Variants in PTPRN2 observed in about 807,000 individuals in gnomAD.
The protein encoded by PTPRN2 is protein tyrosine phosphatase receptor type N2.
PTPRN2 carries 74 observed loss-of-function variants against 118.8 expected under a neutral mutation model. That is an observed-to-expected ratio of 0.62 (90% CI 0.52 to 0.76). The LOEUF is 0.76. Ranked by LOEUF, PTPRN2 falls within the 30% of genes least tolerant of loss-of-function variation. The pLI, the probability that PTPRN2 is intolerant of heterozygous loss-of-function variation, is 0.00. For synonymous variants in PTPRN2, 641 were observed against 608.0 expected, an observed-to-expected ratio of 1.05 and a Z score of -0.80; for missense variants, 1,481 against 1,394.4, an observed-to-expected ratio of 1.06 and a Z score of -0.99.
intron 11 of PTPRN2, among the ~76,000 whole-genome samples, chr7:157,911,957 A>C (rs1347389781): frequency 6.6e-6 from 1 of 152,128 alleles, no homozygotes; most frequent in Non-Finnish European, 1.5e-5. Context: ...ATACACATGG[A>C]GCATCACGCT....
chr7:157,715,296 G>A (rs1400672037), intron 12 of PTPRN2, among the ~76,000 whole-genome samples: 2 of 152,296 alleles, frequency 1.3e-5, no homozygotes, highest in African/African-American at 4.8e-5. Context: ...GAGACAGGCC[G>A]GCGGCCGCGG....
chr7:158,351,648 G>A (rs966550493), intron 2 of PTPRN2, among the ~76,000 whole-genome samples: 2 of 152,142 alleles, frequency 1.3e-5, no homozygotes, highest in Non-Finnish European at 2.9e-5. Context: ...GCAAGAGAGT[G>A]CAACTCAACA....
At chr7:157,900,423 C>T (rs766333937) in intron 11 of PTPRN2, among the ~76,000 whole-genome samples, 8 of 152,234 alleles carry the variant, frequency 5.3e-5, no homozygotes, top group African/African-American at 1.2e-4. Context: ...CAGGGTGTCA[C>T]GAGCAGTGAG....
At chr7:157,623,374 G>A (rs117145492) in intron 14 of PTPRN2, among the ~76,000 whole-genome samples, 2,094 of 152,260 alleles carry the variant, frequency 0.014, 18 homozygotes, top group Non-Finnish European at 0.023. Context: ...GGTCGAAAAT[G>A]GTTCCTGGCA....
At chr7:157,912,611 C>G (rs1008246015) in intron 11 of PTPRN2, among the ~76,000 whole-genome samples, 3 of 152,166 alleles carry the variant, frequency 2.0e-5, no homozygotes, top group Non-Finnish European at 2.9e-5. Flanking sequence ...AGATACAACT[C>G]TGTTTTTTTC....
chr7:158,183,206 T>C (rs151102207), intron 5 of PTPRN2, among the ~76,000 whole-genome samples: 2 of 152,244 alleles, frequency 1.3e-5, no homozygotes, highest in Admixed American at 6.5e-5. Flanking sequence ...TATGTTGAGA[T>C]AGCAGATATT....
chr7:158,255,557 T>C (rs912815960), intron 3 of PTPRN2, among the ~76,000 whole-genome samples: 1 of 150,396 alleles, frequency 6.6e-6, no homozygotes, highest in African/African-American at 2.5e-5. Flanking sequence ...AGTATGTGTG[T>C]ACAGAGAATT....
intron 3 of PTPRN2, among the ~76,000 whole-genome samples, chr7:158,288,440 T>C (rs1369291872): frequency 6.6e-6 from 1 of 152,194 alleles, no homozygotes; most frequent in Non-Finnish European, 1.5e-5. Context: ...TTACTTTCTA[T>C]CTTTGGCATA....
intron 4 of PTPRN2, among the ~76,000 whole-genome samples, chr7:158,197,751 G>A (rs1826324121): frequency 6.6e-6 from 1 of 152,230 alleles, no homozygotes; most frequent in Admixed American, 6.5e-5. Context: ...GGAGCAAAGG[G>A]GAAAGAGTCC....
chr7:157,863,355 G>A (rs1283896620), intron 12 of PTPRN2: 1 of 152,238 alleles, frequency 6.6e-6, no homozygotes, highest in Non-Finnish European at 1.5e-5. Flanking sequence ...CCAGTGCAGA[G>A]TGGAGACGAG....
intron 12 of PTPRN2, among the ~76,000 whole-genome samples, chr7:157,773,275 C>T (rs772890157): frequency 2.6e-5 from 4 of 152,196 alleles, no homozygotes; most frequent in South Asian, 4.1e-4. Flanking sequence ...TTTAGCTCTA[C>T]GCGGACATTA....
rs549523007 is a variant in PTPRN2 at position 157,988,483 on chromosome 7, G to A, written c.1724-89746C>T. 2.6e-5 allele frequency among the ~76,000 whole-genome samples: 4 copies of A among 152,296 alleles called. No homozygotes were observed. The East Asian group carries it at 7.7e-4, about 29-fold the overall frequency. On this transcript the variant is annotated intron_variant, in intron 11 of 22. Transcript: ENST00000389418. ...CACAGGAGGGTTCCCTGTCTTTCAC[G>A]TGCTGATAGACCAAACACACCAAAC...
chr7:158,233,983 A>C (rs1313584180), intron 3 of PTPRN2, among the ~76,000 whole-genome samples: 1 of 152,230 alleles, frequency 6.6e-6, no homozygotes, highest in East Asian at 1.9e-4. Flanking sequence ...AAATGGATTA[A>C]AGGCTTAAAT....
chr7:157,759,185 T>C (rs991637753), intron 12 of PTPRN2, among the ~76,000 whole-genome samples: 5 of 152,266 alleles, frequency 3.3e-5, no homozygotes, highest in African/African-American at 9.6e-5. Flanking sequence ...CATCGGTGCC[T>C]GGGCGCCGTG....
chr7:157,543,710 T>A (rs221262), intron 22 of PTPRN2, among the ~76,000 whole-genome samples: 25 of 152,342 alleles, frequency 1.6e-4, no homozygotes, highest in African/African-American at 5.5e-4. Context: ...ACCTCAGTGA[T>A]CGTGTCTCTG....
chr7:158,075,446 G>T (rs1053930228), intron 11 of PTPRN2, among the ~76,000 whole-genome samples: 1 of 151,982 alleles, frequency 6.6e-6, no homozygotes, highest in African/African-American at 2.4e-5. Context: ...TCCAGCCCAC[G>T]TGGCCCTGGA....
At chr7:157,750,539 C>T (rs1271901828) in intron 12 of PTPRN2, among the ~76,000 whole-genome samples, 2 of 152,174 alleles carry the variant, frequency 1.3e-5, no homozygotes, top group African/African-American at 4.8e-5. Context: ...GCCCCAGGGA[C>T]CCCCTGCCAA....
intron 11 of PTPRN2, among the ~76,000 whole-genome samples, chr7:157,934,302 G>A (rs1429282374): frequency 6.6e-6 from 1 of 152,200 alleles, no homozygotes; most frequent in East Asian, 1.9e-4. Context: ...TCTGAATCAA[G>A]TAGTACTAAG....
intron 12 of PTPRN2, among the ~76,000 whole-genome samples, chr7:157,738,129 T>C (rs1800408348): frequency 1.3e-5 from 2 of 152,242 alleles, no homozygotes. Context: ...ATACTTCTTT[T>C]GAAACATCTA....
Sources: gnomAD v4.1 joint callset for allele counts (sites outside exome capture counted in the v4.1 genomes callset) on GRCh38, gnomAD v4.1.1 for gene constraint, MANE v1.5 for transcripts, NCBI Gene and HGNC (gene_info 2026-07-23, HGNC 2026-07-21) for gene names.